The following DPYSL2 variants were observed in gnomAD, a reference collection of about 807,000 sequenced individuals.
DPYSL2 encodes dihydropyrimidinase like 2.
DPYSL2 carries 13 observed loss-of-function variants against 69.9 expected under a neutral mutation model. The ratio of observed to expected loss-of-function variants is 0.19; its 90% CI spans 0.12 to 0.30. The LOEUF (loss-of-function observed/expected upper bound fraction) is 0.30. Ranked by LOEUF, DPYSL2 falls within the 10% of genes least tolerant of loss-of-function variation. The probability of loss-of-function intolerance (pLI) is 1.00; values close to 1 mark genes in which losing one functional copy is unlikely to be tolerated. For missense variants in DPYSL2, 587 were observed against 918.9 expected (o/e 0.64, Z 4.67); for synonymous variants, 326 against 359.1 (o/e 0.91, Z 1.04).
chr8:26,624,756 G>C lies in DPYSL2; in HGVS notation c.793+449G>C, dbSNP rs1398951876. Among the ~76,000 whole-genome samples the C allele has an allele frequency of 6.6e-6, 1 of 152,174 alleles. No homozygotes were observed. The highest frequency in any genetic ancestry group is 1.9e-4 in the East Asian group (1 of 5,200). On this transcript the variant is annotated intron_variant, in intron 4 of 13. Coordinates refer to ENST00000521913, the MANE Select transcript of DPYSL2 (RefSeq NM_001197293.3). The surrounding 1 kb of genome is among the most constrained non-coding windows in gnomAD (Gnocchi z 4.7). ...GATCTAGGATAGATTTGAGGGCTAT[G>C]AGACACTTCAAAACTGAGTGACAAC...
intron 1 of DPYSL2, among the ~76,000 whole-genome samples, chr8:26,539,437 C>T (rs964660569): frequency 1.1e-4 from 17 of 152,222 alleles, no homozygotes; most frequent in African/African-American, 2.4e-5. Context: ...CACTTTTAAA[C>T]ATCTAGAAAG....
rs973005399 is a variant in DPYSL2 at position 26,587,382 on chromosome 8, C to T, written c.628+3399C>T. 1.3e-5 allele frequency among the ~76,000 whole-genome samples: 2 copies of T among 152,218 alleles called. No individual in the cohort carries two copies. The highest frequency in any genetic ancestry group is 6.5e-5 in the Admixed American group (1 of 15,288). On this transcript the variant is annotated intron_variant, in intron 3 of 13. Transcript: ENST00000521913. This position sits in a 1 kb window ranked among gnomAD's most constrained non-coding sequence, Gnocchi z 4.2. ...CGCCACCCCGCCCCTGGGCACTCCACCCTCCTGGCTTTCTGGCCTTCTCCA... is the reference window on the plus strand; with the variant it reads ...CGCCACCCCGCCCCTGGGCACTCCATCCTCCTGGCTTTCTGGCCTTCTCCA...
At chr8:26,538,112 C>T (rs1200885673) in intron 1 of DPYSL2, among the ~76,000 whole-genome samples, 1 of 152,202 alleles carries the variant, frequency 6.6e-6, no homozygotes, top group East Asian at 1.9e-4. Context: ...TATCCCATTA[C>T]TTGTCATCTT....
chr8:26,618,886 A>G (rs999733258), intron 3 of DPYSL2, among the ~76,000 whole-genome samples: 1 of 151,788 alleles, frequency 6.6e-6, no homozygotes, highest in Admixed American at 6.6e-5. Flanking sequence ...CGAACCCAGG[A>G]GGCGGAGGTT....
intron 7 of DPYSL2, among the ~76,000 whole-genome samples, chr8:26,630,393 TCCCAGGG>T (rs1563417954): frequency 2.0e-5 from 3 of 152,032 alleles, no homozygotes; most frequent in East Asian, 3.9e-4. Context: ...AGGGCTTTGT[TCCCAGGG>T]CTTTGTTCCG....
chr8:26,553,715 T>C (rs142449523), intron 1 of DPYSL2, among the ~76,000 whole-genome samples: 2 of 152,256 alleles, frequency 1.3e-5, no homozygotes, highest in African/African-American at 4.8e-5. Flanking sequence ...GGTAGAACAA[T>C]TTATATTCCT....
rs17319788 is a variant in DPYSL2 at position 26,564,204 on chromosome 8, C to A, written c.355-17765C>A. ...TAGCATGCTGTTTGCCCAAGCTTTTCTAATGGAGTCAGGCGAAGAGGCCAA... is the reference window on the plus strand; with the variant it reads ...TAGCATGCTGTTTGCCCAAGCTTTTATAATGGAGTCAGGCGAAGAGGCCAA... On this transcript the variant is annotated intron_variant, in intron 1 of 13. Coordinates refer to ENST00000521913, the MANE Select transcript of DPYSL2 (RefSeq NM_001197293.3). This position sits in a 1 kb window ranked among gnomAD's most constrained non-coding sequence, Gnocchi z 4.8. Among the ~76,000 whole-genome samples the A allele has an allele frequency of 0.092, 14,036 of 152,230 alleles. 850 individuals are homozygous for A. Among genetic ancestry groups the A allele is most frequent in the Middle Eastern group, 0.16 (48 of 294 alleles).
chr8:26,524,190 T>A (rs1808438334), intron 1 of DPYSL2, among the ~76,000 whole-genome samples: 1 of 152,184 alleles, frequency 6.6e-6, no homozygotes, highest in Non-Finnish European at 1.5e-5. Context: ...TATTTTTTGG[T>A]AGGTTTCTTG....
chr8:26,612,332 G>A (rs1802248925), intron 3 of DPYSL2, among the ~76,000 whole-genome samples: 1 of 152,148 alleles, frequency 6.6e-6, no homozygotes, highest in Non-Finnish European at 1.5e-5. Context: ...CCAACCCTAG[G>A]ACTCTCCAGA....
At chr8:26,521,813 A>G (rs1331764367) in intron 1 of DPYSL2, among the ~76,000 whole-genome samples, 1 of 152,064 alleles carries the variant, frequency 6.6e-6, no homozygotes, top group Non-Finnish European at 1.5e-5. Context: ...TTCACTTAGT[A>G]TAATGTTTTC....
At chr8:26,629,224 C>G (rs958088692) in intron 7 of DPYSL2, among the ~76,000 whole-genome samples, 2 of 152,018 alleles carry the variant, frequency 1.3e-5, no homozygotes, top group African/African-American at 4.8e-5. Context: ...GGTAGGCACA[C>G]AACAGACATA....
intron 1 of DPYSL2, among the ~76,000 whole-genome samples, chr8:26,520,884 T>C (rs78865127): frequency 0.025 from 3,842 of 152,186 alleles, 262 homozygotes; most frequent in East Asian, 0.15. Context: ...TGTCCTTACA[T>C]AGTGGAAGGG....
chr8:26,600,248 G>A (rs933075245), intron 3 of DPYSL2, among the ~76,000 whole-genome samples: 4 of 152,178 alleles, frequency 2.6e-5, no homozygotes, highest in Admixed American at 2.6e-4. Context: ...GTGGGCGTGT[G>A]TTTTCTGTTC....
chr8:26,600,081 A>G (rs1302516017), intron 3 of DPYSL2, among the ~76,000 whole-genome samples: 1 of 152,250 alleles, frequency 6.6e-6, no homozygotes, highest in Non-Finnish European at 1.5e-5. Context: ...AAGTTGTAAT[A>G]TGTATCAATA....
chr8:26,617,459 C>T lies in DPYSL2; in HGVS notation c.629-6684C>T, dbSNP rs1802380077. Among the ~76,000 whole-genome samples the T allele has an allele frequency of 6.6e-6, 1 of 152,026 alleles. No homozygotes were observed. Among genetic ancestry groups the T allele is most frequent in the South Asian group, 2.1e-4 (1 of 4,824 alleles). ...GCAGTGAGCTGTGATTGCACTACTG[C>T]ACTCCAGCCTGGGTGCCAGAGCGAG... On this transcript the variant is annotated intron_variant, in intron 3 of 13. Coordinates refer to ENST00000521913, the MANE Select transcript of DPYSL2 (RefSeq NM_001197293.3). The surrounding 1 kb of genome is among the most constrained non-coding windows in gnomAD (Gnocchi z 4.7).
intron 1 of DPYSL2, among the ~76,000 whole-genome samples, chr8:26,573,895 ATT>A (rs11340126): frequency 0.62 from 86,917 of 139,308 alleles, 27,714 homozygotes; most frequent in East Asian, 0.77. Context: ...TGCATTGGGG[ATT>A]TTTTTTTTTT....
chr8:26,581,883 GA>G lies in DPYSL2; in HGVS notation c.355-82del, dbSNP rs1263708819. 5.6e-6 allele frequency: 6 copies of G among 1,070,178 alleles called. No homozygotes were observed. In the East Asian group the frequency reaches 9.7e-5, roughly 17 times the overall value. 66.3% of individuals were successfully genotyped at this position (1,070,178 alleles called of 1,614,324 possible). On this transcript the variant is annotated intron_variant, in intron 1 of 13. Transcript: ENST00000521913. ...ATTTTGAACATCACTTTTGAACAGT[GA>G]AAATGTATCCTTAGCTCACATATCT...
In DPYSL2 at chr8:26,564,164, G is replaced by A. The variant is rs187714370; in HGVS notation, c.355-17805G>A. ...AGTTAAAATAAAGATCACAAAGTGCGCATTAGCTTCCAATTAGCATGCTGT... is the reference window on the plus strand; with the variant it reads ...AGTTAAAATAAAGATCACAAAGTGCACATTAGCTTCCAATTAGCATGCTGT... On this transcript the variant is annotated intron_variant, in intron 1 of 13. Coordinates refer to ENST00000521913, the MANE Select transcript of DPYSL2 (RefSeq NM_001197293.3). This position sits in a 1 kb window ranked among gnomAD's most constrained non-coding sequence, Gnocchi z 4.8. Among the ~76,000 whole-genome samples, 2 of 152,318 alleles carry A rather than the reference G, an allele frequency of 1.3e-5. No individual in the cohort carries two copies. Among genetic ancestry groups the A allele is most frequent in the African/African-American group, 4.8e-5 (2 of 41,570 alleles).
chr8:26,611,020 T>G (rs1440706731), intron 3 of DPYSL2, among the ~76,000 whole-genome samples: 3 of 152,156 alleles, frequency 2.0e-5, no homozygotes, highest in Admixed American at 6.5e-5. Context: ...ATATTTTTAA[T>G]CCCTATACAG....
Sources: allele counts gnomAD v4.1 joint callset (sites outside exome capture counted in the v4.1 genomes callset), GRCh38; gene constraint gnomAD v4.1.1; non-coding constraint Gnocchi (gnomAD v3.1); transcripts MANE v1.5; gene names NCBI Gene and HGNC (gene_info 2026-07-23, HGNC 2026-07-21).